GRID2: variants seen among roughly 807,000 people sequenced by gnomAD.
GRID2 encodes glutamate ionotropic receptor delta type subunit 2.
Under a neutral mutation model 114.8 loss-of-function variants are expected in GRID2, and 33 were observed. The ratio of observed to expected loss-of-function variants is 0.29; its 90% CI spans 0.22 to 0.38. The LOEUF is 0.38. Among genes scored for constraint, GRID2 ranks in the 10% least tolerant of loss-of-function variants. The probability of loss-of-function intolerance (pLI) is 1.00; values close to 1 mark genes in which losing one functional copy is unlikely to be tolerated. For missense variants in GRID2, 1,184 were observed against 1,257.7 expected (o/e 0.94, Z 0.89); for synonymous variants, 505 against 449.9 (o/e 1.12, Z -1.55).
intron 2 of GRID2, among the ~76,000 whole-genome samples, chr4:93,003,651 G>A (rs935093145): frequency 6.6e-5 from 10 of 152,074 alleles, no homozygotes; most frequent in African/African-American, 1.9e-4. Context: ...TAGCGGTGCT[G>A]GTGTCAGGGT....
At chr4:92,594,818 T>G (rs1299711762) in intron 2 of GRID2, among the ~76,000 whole-genome samples, 1 of 152,064 alleles carries the variant, frequency 6.6e-6, no homozygotes, top group Non-Finnish European at 1.5e-5. Flanking sequence ...TGTACAAATG[T>G]TTTTGTGAAA....
At chr4:92,770,357 C>A (rs1489411759) in intron 2 of GRID2, among the ~76,000 whole-genome samples, 1 of 152,150 alleles carries the variant, frequency 6.6e-6, no homozygotes. Flanking sequence ...TCCAAACATT[C>A]CCACATTTTC....
chr4:92,340,072 A>C (rs184462379), intron 1 of GRID2, among the ~76,000 whole-genome samples: 1 of 152,304 alleles, frequency 6.6e-6, no homozygotes, highest in Admixed American at 6.5e-5. Context: ...CCTTTGAAGT[A>C]TTTAAATGAA....
chr4:92,921,271 T>A (rs1188925281), intron 2 of GRID2, among the ~76,000 whole-genome samples: 2 of 152,246 alleles, frequency 1.3e-5, no homozygotes, highest in East Asian at 1.9e-4. Flanking sequence ...TTAAGGTTTT[T>A]AACTTCTTTA....
chr4:93,517,944 CATACATG>C (rs1729906300), intron 13 of GRID2, among the ~76,000 whole-genome samples: 3 of 32,926 alleles, frequency 9.1e-5, no homozygotes, highest in African/African-American at 1.3e-4. Flanking sequence ...TATGTATATA[CATACATG>C]TATATGTATG....
intron 2 of GRID2, among the ~76,000 whole-genome samples, chr4:92,781,948 AT>A (rs1739099408): frequency 1.3e-5 from 2 of 151,874 alleles, no homozygotes; most frequent in Non-Finnish European, 2.9e-5. Flanking sequence ...TTGTCTGCTT[AT>A]TTTTCTTTTT....
At position 93,765,608 on chromosome 4, in the gene GRID2, T is replaced by TTATATATATATATATATA. The variant is rs66550272; in HGVS notation, c.2361-3594_2361-3577dup. On this transcript the variant is annotated intron_variant, in intron 14 of 15. Transcript: ENST00000282020. ...TATTAGAATTTAAATAGGTGAGGTA[T>TTATATATATATATATATA]TATATATATATATATATATATATAT... 9.0e-3 allele frequency among the ~76,000 whole-genome samples: 263 copies of TTATATATATATATATATA among 29,296 alleles called. 1 individual carries two copies. The highest frequency in any genetic ancestry group is 0.031 in the African/African-American group (256 of 8,196). 19.2% of individuals were successfully genotyped at this position (29,296 alleles called of 152,430 possible).
intron 2 of GRID2, among the ~76,000 whole-genome samples, chr4:93,029,319 A>G (rs1483344176): frequency 6.6e-6 from 1 of 152,116 alleles, no homozygotes. Flanking sequence ...TTTTAAAAAT[A>G]TATTTCTTTA....
chr4:93,024,577 T>C (rs1723706196), intron 2 of GRID2, among the ~76,000 whole-genome samples: 1 of 151,764 alleles, frequency 6.6e-6, no homozygotes, highest in African/African-American at 2.4e-5. Context: ...TTGCAAAACC[T>C]CATGTATTTT....
chr4:92,316,051 A>G (rs1182248494), intron 1 of GRID2, among the ~76,000 whole-genome samples: 1 of 151,566 alleles, frequency 6.6e-6, no homozygotes, highest in Non-Finnish European at 1.5e-5. Flanking sequence ...GTTGTATGAC[A>G]TTTAAAGCGA....
chr4:93,113,972 C>T (rs1452408177), intron 4 of GRID2, among the ~76,000 whole-genome samples: 2 of 152,010 alleles, frequency 1.3e-5, no homozygotes, highest in Non-Finnish European at 2.9e-5. Context: ...CCTGTTGAGA[C>T]GTTTGGTGAC....
At chr4:92,714,914 T>C (rs1187480003) in intron 2 of GRID2, among the ~76,000 whole-genome samples, 2 of 152,232 alleles carry the variant, frequency 1.3e-5, no homozygotes, top group Non-Finnish European at 2.9e-5. Context: ...TGGAGGCATT[T>C]TCCCCATTGT....
rs2870702 is a variant in GRID2, at chr4:93,388,577, T to A, written c.1246-7030T>A. Among the ~76,000 whole-genome samples, 255 of 152,152 alleles carry A rather than the reference T, an allele frequency of 1.7e-3. 1 individual carries two copies. Among genetic ancestry groups the A allele is most frequent in the Middle Eastern group, 0.01 (3 of 294 alleles). On this transcript the variant is annotated intron_variant, in intron 8 of 15. Transcript: ENST00000282020. ...AGAGGGAAGGCATTATGACATGAAT[T>A]GATGAATATAAATAATAACAAATCA...
chr4:93,660,077 G>A (rs749911595), intron 14 of GRID2, among the ~76,000 whole-genome samples: 25 of 151,696 alleles, frequency 1.6e-4, no homozygotes, highest in Non-Finnish European at 2.7e-4. Context: ...TATAGAAGAA[G>A]ACTTAAATAA....
intron 8 of GRID2, among the ~76,000 whole-genome samples, chr4:93,317,168 T>A (rs1271983088): frequency 6.6e-6 from 1 of 152,120 alleles, no homozygotes; most frequent in Non-Finnish European, 1.5e-5. Context: ...TTAAAGAATG[T>A]ATTATTGCAC....
intron 2 of GRID2, among the ~76,000 whole-genome samples, chr4:92,713,959 C>A (rs1735406190): frequency 6.6e-6 from 1 of 152,026 alleles, no homozygotes; most frequent in Non-Finnish European, 1.5e-5. Context: ...ATTTCAAAAC[C>A]AATCATGCCT....
chr4:92,795,307 A>G (rs766424717), intron 2 of GRID2, among the ~76,000 whole-genome samples: 7 of 151,814 alleles, frequency 4.6e-5, no homozygotes, highest in Non-Finnish European at 1.0e-4. Flanking sequence ...GTGATATTGA[A>G]TACGTCTCAA....
intron 1 of GRID2, among the ~76,000 whole-genome samples, chr4:92,471,146 G>C (rs1052757072): frequency 6.6e-6 from 1 of 152,032 alleles, no homozygotes; most frequent in African/African-American, 2.4e-5. Flanking sequence ...GAATGGTACA[G>C]TAAAAACCCC....
In GRID2 at chr4:92,440,971, A is replaced by T. The variant is rs572522294; in HGVS notation, c.88+136227A>T. Among the ~76,000 whole-genome samples the T allele has an allele frequency of 5.3e-5, 8 of 152,126 alleles. No homozygotes were observed. The South Asian group carries it at 8.3e-4, about 16-fold the overall frequency. On this transcript the variant is annotated intron_variant, in intron 1 of 15. Coordinates refer to ENST00000282020, the MANE Select transcript of GRID2 (RefSeq NM_001510.4). ...AGGAAGAAAATAGATTTTGGAAGTT[A>T]TGAGAACTGTAGAGAGTGAGTTGAG...
Sources: allele counts gnomAD v4.1 joint callset (sites outside exome capture counted in the v4.1 genomes callset), GRCh38; gene constraint gnomAD v4.1.1; transcripts MANE v1.5; gene names NCBI Gene and HGNC (gene_info 2026-07-23, HGNC 2026-07-21).